XIRP2: variants seen among roughly 807,000 people sequenced by gnomAD.
XIRP2 encodes the protein xin actin binding repeat containing 2.
In XIRP2, 236 loss-of-function variants were observed where a neutral mutation model predicts 277.0. The ratio of observed to expected loss-of-function variants is 0.85; its 90% CI spans 0.77 to 0.95. XIRP2 has a LOEUF of 0.95. Ranked by LOEUF, XIRP2 falls within the 40% of genes least tolerant of loss-of-function variation. The pLI is 0.00. For missense variants in XIRP2, 4,640 were observed against 4,157.5 expected (o/e 1.12, Z -3.19); for synonymous variants, 1,490 against 1,416.5 (o/e 1.05, Z -1.17).
intron 2 of XIRP2, among the ~76,000 whole-genome samples, chr2:167,010,644 T>C (rs1298480450): frequency 8.5e-5 from 13 of 152,196 alleles, no homozygotes; most frequent in Non-Finnish European, 1.9e-4. Context: ...GCATTGAATC[T>C]ATAAATTACC....
At chr2:166,920,411 C>T (rs1022896873) in intron 2 of XIRP2, among the ~76,000 whole-genome samples, 4 of 152,104 alleles carry the variant, frequency 2.6e-5, no homozygotes, top group African/African-American at 7.2e-5. Flanking sequence ...AACAGAATCT[C>T]ACAGCTGTGT....
intron 5 of XIRP2, among the ~76,000 whole-genome samples, chr2:167,222,665 T>G (rs950297430): frequency 6.6e-6 from 1 of 152,166 alleles, no homozygotes; most frequent in South Asian, 2.1e-4. Flanking sequence ...ATCCACTCAC[T>G]GTAACAGTCT....
intron 2 of XIRP2, among the ~76,000 whole-genome samples, chr2:166,995,382 T>C (rs188612286): frequency 6.6e-6 from 1 of 152,314 alleles, no homozygotes; most frequent in Non-Finnish European, 1.5e-5. Flanking sequence ...TTACCACAAG[T>C]ACTGCCTCTC....
At chr2:167,015,418 T>TTATCTCTCTATC (rs1553478320) in intron 2 of XIRP2, among the ~76,000 whole-genome samples, 2 of 147,148 alleles carry the variant, frequency 1.4e-5, no homozygotes. Context: ...TATCTGTCTT[T>TTATCTCTCTATC]TATCTATCTA....
intron 2 of XIRP2, among the ~76,000 whole-genome samples, chr2:167,030,474 C>A (rs954845007): frequency 6.6e-6 from 1 of 151,996 alleles, no homozygotes; most frequent in Admixed American, 6.6e-5. Flanking sequence ...GTTATGTACC[C>A]AGTAGTCATT....
chr2:167,069,034 A>T (rs1432683596), intron 2 of XIRP2, among the ~76,000 whole-genome samples: 1 of 152,128 alleles, frequency 6.6e-6, no homozygotes, highest in African/African-American at 2.4e-5. Flanking sequence ...ATATCCATGG[A>T]TACCATGAAT....
At position 167,244,924 on chromosome 2, in the gene XIRP2, C is replaced by T. The variant is rs1203565470; in HGVS notation, c.3532C>T (p.Gln1178Ter). Residue 1178 changes from glutamine to a stop codon, truncating the protein, a stop_gained, in exon 9 of 11, where the codon CAA becomes TAA. Transcript: ENST00000409195. LOFTEE classifies it high-confidence loss of function. ...LFETENLDSI[Q>*]GEEVKEIKPV... ...TGAGACAGAAAATTTGGACAGCATA[C>T]AAGGAGAAGAAGTGAAGGAAATCAA... is the stretch of plus-strand genomic sequence containing the variant. The T allele has an allele frequency of 1.2e-6, 2 of 1,612,420 alleles. No individual in the cohort carries two copies. The highest frequency in any genetic ancestry group is 1.7e-6 in the Non-Finnish European group (2 of 1,179,454).
At chr2:167,010,681 A>G (rs148338772) in intron 2 of XIRP2, among the ~76,000 whole-genome samples, 2,181 of 152,246 alleles carry the variant, frequency 0.014, 56 homozygotes, top group African/African-American at 0.05. Flanking sequence ...TTTTCAAGAT[A>G]TTGATTCTTC....
chr2:166,908,323 G>C (rs1029862464), intron 2 of XIRP2, among the ~76,000 whole-genome samples: 3 of 152,134 alleles, frequency 2.0e-5, no homozygotes, highest in African/African-American at 7.2e-5. Context: ...GGTGTGAGAT[G>C]GTATCTCATT....
intron 3 of XIRP2, among the ~76,000 whole-genome samples, chr2:167,193,176 C>T (rs1213516902): frequency 6.6e-6 from 1 of 152,096 alleles, no homozygotes; most frequent in East Asian, 1.9e-4. Context: ...AGATCTAGTT[C>T]AGCTATAGCA....
intron 2 of XIRP2, among the ~76,000 whole-genome samples, chr2:166,951,288 T>C (rs1686024959): frequency 6.6e-6 from 1 of 152,010 alleles, no homozygotes. Flanking sequence ...TTCTGCAGGC[T>C]GTACAGGAAG....
chr2:167,170,214 G>T (rs1160497258), intron 3 of XIRP2, among the ~76,000 whole-genome samples: 2 of 151,896 alleles, frequency 1.3e-5, no homozygotes, highest in African/African-American at 4.8e-5. Flanking sequence ...TTTCTAATAT[G>T]TTGAGATTTT....
chr2:167,184,410 A>G (rs1162944814), intron 3 of XIRP2: 13 of 621,890 alleles, frequency 2.1e-5, no homozygotes, highest in Non-Finnish European at 2.9e-6. Flanking sequence ...GTATCCTGCT[A>G]TCCTGTGAAA....
At chr2:167,257,183 C>T (rs1433287048) in intron 10 of XIRP2, among the ~76,000 whole-genome samples, 5 of 151,886 alleles carry the variant, frequency 3.3e-5, no homozygotes, top group African/African-American at 1.2e-4. Context: ...CAGATGAGAC[C>T]ATCATGCTGG....
intron 2 of XIRP2, among the ~76,000 whole-genome samples, chr2:167,050,469 C>T (rs1226508689): frequency 6.6e-6 from 1 of 151,840 alleles, no homozygotes; most frequent in Admixed American, 6.6e-5. Context: ...ATACGAAAGC[C>T]CAGAGTATGA....
rs199957548 is a variant in XIRP2 at position 166,965,900 on chromosome 2, CT to C, written c.408+62020del. On this transcript the variant is annotated intron_variant, in intron 2 of 10. Coordinates refer to ENST00000409195, the MANE Select transcript of XIRP2 (RefSeq NM_152381.6). ...CATGCCTGGCCTCTAAGTTTGATTT[CT>C]TTTTTTTTTACTCAGAAGTCTCTTT... 6.2e-3 allele frequency among the ~76,000 whole-genome samples: 915 copies of C among 148,350 alleles called. 73 individuals are homozygous for C. In the East Asian group the frequency reaches 0.16, roughly 26 times the overall value.
chr2:167,093,065 T>C (rs1451498798), intron 2 of XIRP2, among the ~76,000 whole-genome samples: 3 of 152,158 alleles, frequency 2.0e-5, no homozygotes, highest in Non-Finnish European at 4.4e-5. Context: ...TACTGTCTAC[T>C]ATGCCAAGTT....
chr2:166,996,063 A>G (rs1449152584), intron 2 of XIRP2, among the ~76,000 whole-genome samples: 2 of 152,198 alleles, frequency 1.3e-5, no homozygotes, highest in Non-Finnish European at 2.9e-5. Flanking sequence ...TTTATAAACG[A>G]CTACTTAATG....
At chr2:166,919,167 G>A (rs532968791) in intron 2 of XIRP2, among the ~76,000 whole-genome samples, 1 of 152,102 alleles carries the variant, frequency 6.6e-6, no homozygotes, top group African/African-American at 2.4e-5. Flanking sequence ...ATAATACATG[G>A]CACATAATAC....
Sources: allele counts gnomAD v4.1 joint callset (sites outside exome capture counted in the v4.1 genomes callset), GRCh38; gene constraint gnomAD v4.1.1; transcripts MANE v1.5; gene names NCBI Gene and HGNC (gene_info 2026-07-23, HGNC 2026-07-21).